Variants in MBD5 observed in about 807,000 individuals in gnomAD.
The protein encoded by MBD5 is methyl-CpG binding domain protein 5, also known as methyl-CpG-binding domain protein 5.
In MBD5, 13 loss-of-function variants were observed where a neutral mutation model predicts 117.3. The ratio of observed to expected loss-of-function variants is 0.11; its 90% CI spans 0.07 to 0.18. The LOEUF (loss-of-function observed/expected upper bound fraction) is 0.18. Ranked by LOEUF, MBD5 falls within the 10% of genes least tolerant of loss-of-function variation. MBD5 has a pLI of 1.00. For synonymous variants in MBD5, 727 were observed against 766.4 expected, an observed-to-expected ratio of 0.95 and a Z score of 0.85; for missense variants, 1,879 against 2,093.8, an observed-to-expected ratio of 0.90 and a Z score of 2.00.
chr2:148,235,514 T>C (rs74440242), intron 3 of MBD5, among the ~76,000 whole-genome samples: 19,116 of 152,168 alleles, frequency 0.13, 1,448 homozygotes, highest in Non-Finnish European at 0.18. Context: ...ATTTCATTTA[T>C]TTTCCACATT....
intron 1 of MBD5, among the ~76,000 whole-genome samples, chr2:148,103,836 T>G (rs908437471): frequency 1.3e-5 from 2 of 152,164 alleles, no homozygotes; most frequent in African/African-American, 4.8e-5. Flanking sequence ...TTTAAAAATA[T>G]TATATAATTC....
At chr2:148,068,578 G>A (rs1210296739) in intron 1 of MBD5, 1 of 152,180 alleles carries the variant, frequency 6.6e-6, no homozygotes, top group Non-Finnish European at 1.5e-5. Context: ...GATTGTTGAA[G>A]GAATACTTCC....
chr2:148,363,187 C>A (rs1703590566), intron 4 of MBD5, among the ~76,000 whole-genome samples: 1 of 152,142 alleles, frequency 6.6e-6, no homozygotes, highest in Admixed American at 6.5e-5. Flanking sequence ...ATAACACACT[C>A]CTCCGAGCTA....
chr2:148,359,516 C>T (rs562660816), intron 4 of MBD5, among the ~76,000 whole-genome samples: 34 of 152,092 alleles, frequency 2.2e-4, no homozygotes, highest in African/African-American at 8.2e-4. Context: ...GGCACTATTG[C>T]CAAATAATGG....
rs552910804 is a variant in MBD5, at chr2:148,468,278, C to T, written c.398-63C>T. ...CTTCCTGATTTCCTCCATTCCTTCC[C>T]TCCCTCCCACCACAAAAGAGTTGAG... is the stretch of plus-strand genomic sequence containing the variant. On this transcript the variant is annotated intron_variant, in intron 7 of 13. Transcript: ENST00000642680. 1.0e-5 allele frequency: 14 copies of T among 1,401,130 alleles called. No individual in the cohort carries two copies. The South Asian group carries it at 1.5e-4, about 15-fold the overall frequency. The allele number at this position is 1,401,130 out of a possible 1,614,324, so 86.8% of individuals were successfully genotyped here.
In MBD5 at chr2:148,178,800, A is replaced by G. The variant is rs921028393; in HGVS notation, c.-831+7A>G. ...TAGAAGATAAGCACTAAAGGTAAGT[A>G]GTAACTATAGCCCCATATATAATTT... On this transcript the variant is annotated splice_region_variant and intron_variant, in intron 2 of 13. Transcript: ENST00000642680. 2 of 398,282 alleles carry G rather than the reference A, an allele frequency of 5.0e-6. No homozygotes were observed. Among genetic ancestry groups the G allele is most frequent in the African/African-American group, 4.1e-5 (2 of 48,608 alleles). 24.7% of individuals were successfully genotyped at this position (398,282 alleles called of 1,614,324 possible).
intron 4 of MBD5, among the ~76,000 whole-genome samples, chr2:148,367,355 A>G (rs1703731390): frequency 6.6e-6 from 1 of 152,230 alleles, no homozygotes; most frequent in African/African-American, 2.4e-5. Context: ...TAAACGTAAG[A>G]CCCAAAACCA....
chr2:148,486,023 A>C, intron 10 of MBD5, 73 bp downstream of exon 10: 1 of 1,484,778 alleles, frequency 6.7e-7, no homozygotes. Context: ...TTTGGGGGAA[A>C]GGGTGAAAAA....
chr2:148,426,964 AAAC>A (rs964883948), intron 4 of MBD5, among the ~76,000 whole-genome samples: 1 of 152,090 alleles, frequency 6.6e-6, no homozygotes, highest in Non-Finnish European at 1.5e-5. Context: ...AGAAAAAAAC[AAAC>A]AACCCCATCA....
chr2:148,505,866 C>T (rs1014222613), intron 12 of MBD5, among the ~76,000 whole-genome samples: 1 of 152,178 alleles, frequency 6.6e-6, no homozygotes, highest in Non-Finnish European at 1.5e-5. Flanking sequence ...CCTGTTTCTA[C>T]CACTTCATAG....
At position 148,445,297 on chromosome 2, in the gene MBD5, C is replaced by T. The variant is rs551931640; in HGVS notation, c.-556-12906C>T. On this transcript the variant is annotated intron_variant, in intron 4 of 13. Transcript: ENST00000642680. ...GCTATCCCTCCCCGCTCCCCCCACC[C>T]CATGACAGGCCCCAGTGTGTGATGT... Among the ~76,000 whole-genome samples the T allele has an allele frequency of 7.3e-5, 11 of 151,132 alleles. No homozygotes were observed. In the East Asian group the frequency reaches 2.1e-3, roughly 29 times the overall value.
chr2:148,276,083 A>T (rs1391604865), intron 3 of MBD5, among the ~76,000 whole-genome samples: 1 of 152,114 alleles, frequency 6.6e-6, no homozygotes, highest in African/African-American at 2.4e-5. Context: ...AGTCCGAGAC[A>T]GGAGGATCAC....
At chr2:148,425,055 A>G (rs889444813) in intron 4 of MBD5, among the ~76,000 whole-genome samples, 1 of 152,226 alleles carries the variant, frequency 6.6e-6, no homozygotes, top group Non-Finnish European at 1.5e-5. Flanking sequence ...TGAAAGACAT[A>G]GAGACGCGAA....
rs1706959430 is a variant in MBD5, at chr2:148,458,663, C to T, written c.-96C>T. ...TTTGTACAGTCTGGGAAAAACTGTGCTGCACTGGCCCACTTTTGAAGGCCA... is the reference window on the plus strand; with the variant it reads ...TTTGTACAGTCTGGGAAAAACTGTGTTGCACTGGCCCACTTTTGAAGGCCA... On this transcript the variant is annotated 5_prime_UTR_variant, in exon 5 of 14. Transcript: ENST00000642680. The T allele has an allele frequency of 4.8e-6, 5 of 1,047,378 alleles. No individual in the cohort carries two copies. Among genetic ancestry groups the T allele is most frequent in the East Asian group, 2.4e-5 (1 of 41,848 alleles). 64.9% of individuals were successfully genotyped at this position (1,047,378 alleles called of 1,614,324 possible).
At chr2:148,035,031 A>G (rs1694151747) in intron 1 of MBD5, among the ~76,000 whole-genome samples, 1 of 152,176 alleles carries the variant, frequency 6.6e-6, no homozygotes, top group African/African-American at 2.4e-5. Context: ...TTAGTATGGT[A>G]ATGCATATCT....
chr2:148,298,900 A>T (rs1447974709), intron 3 of MBD5, among the ~76,000 whole-genome samples: 1 of 152,172 alleles, frequency 6.6e-6, no homozygotes, highest in Non-Finnish European at 1.5e-5. Flanking sequence ...ACAAGGAAAG[A>T]GAATAAGCAA....
At chr2:148,323,532 G>A (rs1461613745) in intron 3 of MBD5, among the ~76,000 whole-genome samples, 3 of 151,598 alleles carry the variant, frequency 2.0e-5, no homozygotes, top group Admixed American at 1.3e-4. Flanking sequence ...TTTAATGATC[G>A]CCATTCTAAC....
intron 1 of MBD5, among the ~76,000 whole-genome samples, chr2:148,167,634 T>C (rs1297418217): frequency 6.6e-6 from 1 of 152,214 alleles, no homozygotes; most frequent in Admixed American, 6.5e-5. Flanking sequence ...AAAAATGTTA[T>C]CATTGCTCCA....
chr2:148,377,109 C>T (rs1029378460), intron 4 of MBD5, among the ~76,000 whole-genome samples: 5 of 151,596 alleles, frequency 3.3e-5, no homozygotes, highest in South Asian at 4.2e-4. Context: ...TATTAACTCA[C>T]GCAATCACAA....
Sources: allele counts gnomAD v4.1 joint callset (sites outside exome capture counted in the v4.1 genomes callset), GRCh38; gene constraint gnomAD v4.1.1; transcripts MANE v1.5; gene names NCBI Gene and HGNC (gene_info 2026-07-23, HGNC 2026-07-21).